Variants in SLC2A9 observed in about 807,000 individuals in gnomAD.
SLC2A9 encodes the protein solute carrier family 2, facilitated glucose transporter member 9.
Under a neutral mutation model 50.6 loss-of-function variants are expected in SLC2A9, and 39 were observed. The observed-to-expected ratio is 0.77, with a 90% CI of 0.60 to 1.01. The LOEUF (loss-of-function observed/expected upper bound fraction) is 1.01, where lower values mean the gene tolerates loss of function less well. Among genes scored for constraint, SLC2A9 ranks in the 50% least tolerant of loss-of-function variants. The pLI, the probability that SLC2A9 is intolerant of heterozygous loss-of-function variation, is 0.00. For missense variants in SLC2A9, 686 were observed against 677.6 expected, an observed-to-expected ratio of 1.01 and a Z score of -0.14; for synonymous variants, 324 against 276.9, an observed-to-expected ratio of 1.17 and a Z score of -1.69.
chr4:9,922,281 T>C (rs1446865865), intron 6 of SLC2A9, among the ~76,000 whole-genome samples: 1 of 150,402 alleles, frequency 6.6e-6, no homozygotes, highest in African/African-American at 2.4e-5. Flanking sequence ...GACCACATGG[T>C]CACAGGGAGG....
intron 3 of SLC2A9, among the ~76,000 whole-genome samples, chr4:9,819,863 G>A (rs1430834857): frequency 1.3e-5 from 2 of 151,878 alleles, no homozygotes; most frequent in Non-Finnish European, 2.9e-5. Flanking sequence ...GAACCCGGGA[G>A]GCAGAAGTTG....
At chr4:9,978,361 G>T (rs764456841) in intron 5 of SLC2A9, among the ~76,000 whole-genome samples, 2 of 152,166 alleles carry the variant, frequency 1.3e-5, no homozygotes, top group Non-Finnish European at 2.9e-5. Context: ...GCAGGAGAAA[G>T]AACTTGATAT....
At chr4:9,869,478 C>T (rs1221129935) in intron 10 of SLC2A9, among the ~76,000 whole-genome samples, 1 of 152,224 alleles carries the variant, frequency 6.6e-6, no homozygotes, top group Non-Finnish European at 1.5e-5. Context: ...TGTGCTCCTC[C>T]TTCCTCTTAC....
Position 9,890,719 on chromosome 4 carries a change from A to C in SLC2A9, c.1114-8T>G. On this transcript the variant is annotated splice_polypyrimidine_tract_variant and splice_region_variant and intron_variant, in intron 8 of 11. Coordinates refer to ENST00000264784, the MANE Select transcript of SLC2A9 (RefSeq NM_020041.3). ...GTGCTCAATGACCAAACCCTAGTCC[A>C]GGGTAAAAGAGAGAGAGAGAGCTAT... The C allele has an allele frequency of 6.2e-7, 1 of 1,610,078 alleles. No homozygotes were observed. Among genetic ancestry groups the C allele is most frequent in the African/African-American group, 1.3e-5 (1 of 74,950 alleles).
intron 10 of SLC2A9, among the ~76,000 whole-genome samples, chr4:9,840,726 TA>T (rs1727920428): frequency 6.6e-6 from 1 of 152,198 alleles, no homozygotes; most frequent in South Asian, 2.1e-4. Context: ...TGAAATTCAT[TA>T]ACTATGATGT....
chr4:9,790,395 T>C (rs181977046), intron 3 of SLC2A9, among the ~76,000 whole-genome samples: 9 of 152,326 alleles, frequency 5.9e-5, no homozygotes, highest in African/African-American at 2.2e-4. Flanking sequence ...GGGCTCTATT[T>C]TTCTACACAC....
downstream of SLC2A9, among the ~76,000 whole-genome samples, chr4:9,776,255 A>G (rs560820026): frequency 6.6e-6 from 1 of 151,600 alleles, no homozygotes; most frequent in African/African-American, 2.4e-5. Context: ...AAGCACAATA[A>G]TTAAATGAGG....
intron 7 of SLC2A9, among the ~76,000 whole-genome samples, chr4:9,909,670 T>TTG (rs1256501404): frequency 6.6e-6 from 1 of 152,238 alleles, no homozygotes; most frequent in Admixed American, 6.5e-5. Flanking sequence ...CTCTTCAGTA[T>TTG]TCACTTTGAG....
intron 3 of SLC2A9, among the ~76,000 whole-genome samples, chr4:9,809,996 TA>T (rs369111414): frequency 1.1e-4 from 16 of 152,274 alleles, no homozygotes; most frequent in African/African-American, 3.8e-4. Context: ...GCTATTCTTA[TA>T]TTATTCTTCT....
intron 5 of SLC2A9, among the ~76,000 whole-genome samples, chr4:9,954,880 GCAGT>G (rs10537327): frequency 0.48 from 72,993 of 151,606 alleles, 18,931 homozygotes; most frequent in African/African-American, 0.67. Flanking sequence ...ATTGGGAAAG[GCAGT>G]CAGTCTCCCA....
chr4:9,979,373 G>C (rs1239907540), intron 5 of SLC2A9, among the ~76,000 whole-genome samples: 1 of 152,166 alleles, frequency 6.6e-6, no homozygotes, highest in Admixed American at 6.5e-5. Context: ...ACAGGGAGCT[G>C]TTTGTCTGTT....
At chr4:10,023,200 C>T (rs892206491), upstream of SLC2A9, among the ~76,000 whole-genome samples, 9 of 152,166 alleles carry the variant, frequency 5.9e-5, no homozygotes, top group African/African-American at 1.9e-4. Flanking sequence ...GACAAGGAGC[C>T]AAGGCCTGCA....
chr4:10,007,416 G>A (rs1760984174), intron 2 of SLC2A9, among the ~76,000 whole-genome samples: 1 of 152,220 alleles, frequency 6.6e-6, no homozygotes. Flanking sequence ...GATGAAAGAG[G>A]AAACATCAAT....
downstream of SLC2A9, among the ~76,000 whole-genome samples, chr4:9,821,585 G>A (rs1577391935): frequency 2.0e-5 from 3 of 151,914 alleles, no homozygotes; most frequent in Admixed American, 1.3e-4. Flanking sequence ...ACCATGGCAC[G>A]TGTATACCTA....
intron 11 of SLC2A9, among the ~76,000 whole-genome samples, chr4:9,829,628 G>A (rs1404254681): frequency 6.6e-6 from 1 of 152,008 alleles, no homozygotes; most frequent in East Asian, 1.9e-4. Flanking sequence ...TCTGACAGAG[G>A]TCTAATATCC....
At chr4:9,975,371 C>G (rs1754615517) in intron 5 of SLC2A9, among the ~76,000 whole-genome samples, 1 of 152,060 alleles carries the variant, frequency 6.6e-6, no homozygotes, top group East Asian at 1.9e-4. Context: ...GGGCTAAAAT[C>G]CATAATCTAT....
At chr4:9,945,857 G>A (rs151104273) in intron 5 of SLC2A9, among the ~76,000 whole-genome samples, 68 of 152,362 alleles carry the variant, frequency 4.5e-4, no homozygotes, top group Admixed American at 7.2e-4. Flanking sequence ...TTCAATACAT[G>A]TCTATTGAAG....
chr4:9,944,151 GAAC>G (rs1477863223), intron 5 of SLC2A9, among the ~76,000 whole-genome samples: 2 of 152,192 alleles, frequency 1.3e-5, no homozygotes, highest in Non-Finnish European at 2.9e-5. Flanking sequence ...GCTCATTGGG[GAAC>G]AACAACTGTA....
At chr4:10,027,870 GGTATTTTGAAATGTGCGGTTGATTAA>G (rs1763806186) in intron 1 of SLC2A9, among the ~76,000 whole-genome samples, 1 of 152,120 alleles carries the variant, frequency 6.6e-6, no homozygotes. Flanking sequence ...TCCTCTTGTA[GGTATTTTGAAATGTGCGGTTGATTAA>G]TAACTATAGT....
Sources: gnomAD v4.1 joint callset for allele counts (sites outside exome capture counted in the v4.1 genomes callset) on GRCh38, gnomAD v4.1.1 for gene constraint, MANE v1.5 for transcripts, NCBI Gene and HGNC (gene_info 2026-07-23, HGNC 2026-07-21) for gene names.